The following LEMD3 variants were observed in gnomAD, a reference collection of about 807,000 sequenced individuals.
LEMD3 encodes LEM domain containing 3, also known as inner nuclear membrane protein Man1.
In LEMD3, 33 loss-of-function variants were observed where a neutral mutation model predicts 95.2. That is an observed-to-expected ratio of 0.35 (90% confidence interval 0.26 to 0.46). The LOEUF (loss-of-function observed/expected upper bound fraction) is 0.46. Ranked by LOEUF, LEMD3 falls within the 20% of genes least tolerant of loss-of-function variation. The pLI is 1.00. For missense variants in LEMD3, 1,210 were observed against 1,192.8 expected, an observed-to-expected ratio of 1.01 and a Z score of -0.21; for synonymous variants, 525 against 474.6, an observed-to-expected ratio of 1.11 and a Z score of -1.38.
At position 65,169,591 on chromosome 12, in the gene LEMD3, G is replaced by A. The variant is rs747864180; in HGVS notation, c.-6G>A. 7.9e-5 allele frequency: 125 copies of A among 1,588,718 alleles called. No homozygotes were observed. Among genetic ancestry groups the A allele is most frequent in the Non-Finnish European group, 1.0e-4 (118 of 1,169,350 alleles). ...CGCGGAGCTTGTAAAACACCCTGGA[G>A]AGAAAATGGCGGCGGCAGCAGCTTC... is the stretch of plus-strand genomic sequence containing the variant. On this transcript the variant is annotated 5_prime_UTR_variant, in exon 1 of 13. Coordinates refer to ENST00000308330, the MANE Select transcript of LEMD3 (RefSeq NM_014319.5).
intron 1 of LEMD3, 21 bp downstream of exon 1, chr12:65,171,139 G>A: frequency 6.2e-7 from 1 of 1,605,968 alleles, no homozygotes; most frequent in Middle Eastern, 1.7e-4. Context: ...AATCCTGTGG[G>A]TAAGGTAACA....
intron 1 of LEMD3, among the ~76,000 whole-genome samples, chr12:65,199,924 G>A (rs747518484): frequency 1.7e-4 from 26 of 151,930 alleles, no homozygotes; most frequent in Admixed American, 1.3e-3. Flanking sequence ...GGAGAATAGC[G>A]TCTGGAGGCA....
chr12:65,170,175 C>T lies in LEMD3; in HGVS notation c.579C>T (p.Pro193=). 1 of 1,495,584 alleles carries T rather than the reference C, an allele frequency of 6.7e-7. No individual in the cohort carries two copies. Among genetic ancestry groups the T allele is most frequent in the Non-Finnish European group, 8.9e-7 (1 of 1,126,380 alleles). 92.6% of individuals were successfully genotyped at this position (1,495,584 alleles called of 1,614,324 possible). Residue 193 remains proline (P), a synonymous_variant, in exon 1 of 13, where the codon CCC becomes CCT. Coordinates refer to ENST00000308330, the MANE Select transcript of LEMD3 (RefSeq NM_014319.5). ...GCAACTCTGCAGAGCGAAGGAAGCC[C>T]CACTCGTGGTGGGGGGCCAGGAGGC... ...TNSNSAERRK[P]HSWWGARRPA...
chr12:65,215,947 G>T (rs377173811), intron 2 of LEMD3, 30 bp from the exon 3 acceptor site: 4 of 926,294 alleles, frequency 4.3e-6, no homozygotes, highest in Non-Finnish European at 6.8e-6. Context: ...TTGTAATTGG[G>T]TATTTCATAA....
rs765045080 is a variant in LEMD3, at chr12:65,238,761, G to A, written c.1868G>A (p.Arg623His). ...STRPLMSFWC[R>H]FRRAFVTVTH... The stretch of plus-strand genomic sequence containing the variant: ...AGACCACTGATGTCTTTTTGGTGTC[G>A]TTTTCGACGTGCTTTTGTTACTGTA... The change falls in exon 6 of 13, where the codon CGT becomes CAT. Residue 623 changes from arginine (R) to histidine (H), a missense_variant. Coordinates refer to ENST00000308330, the MANE Select transcript of LEMD3 (RefSeq NM_014319.5). 5 of 1,614,002 alleles carry A rather than the reference G, an allele frequency of 3.1e-6. No individual in the cohort carries two copies. The highest frequency in any genetic ancestry group is 3.4e-6 in the Non-Finnish European group (4 of 1,179,950).
intron 1 of LEMD3, among the ~76,000 whole-genome samples, chr12:65,209,962 T>C (rs546325657): frequency 6.6e-6 from 1 of 152,174 alleles, no homozygotes; most frequent in African/African-American, 2.4e-5. Context: ...TATATAGATA[T>C]ATAGTCTATA....
At chr12:65,223,697 G>C (rs1273560495) in intron 4 of LEMD3, among the ~76,000 whole-genome samples, 1 of 151,680 alleles carries the variant, frequency 6.6e-6, no homozygotes, top group African/African-American at 2.4e-5. Flanking sequence ...AGTGTGCTTT[G>C]ATTTGGGAGT....
chr12:65,172,171 C>G (rs866114381), intron 1 of LEMD3, among the ~76,000 whole-genome samples: 18 of 152,180 alleles, frequency 1.2e-4, no homozygotes, highest in Middle Eastern at 3.4e-3. Flanking sequence ...CTGAACTTTC[C>G]TAATCTATAA....
At chr12:65,199,075 T>G (rs1037218203) in intron 1 of LEMD3, among the ~76,000 whole-genome samples, 1 of 152,180 alleles carries the variant, frequency 6.6e-6, no homozygotes, top group Non-Finnish European at 1.5e-5. Flanking sequence ...CATTATTAAC[T>G]TTATAGTTTA....
intron 1 of LEMD3, among the ~76,000 whole-genome samples, chr12:65,180,895 A>G (rs550626734): frequency 1.3e-4 from 20 of 152,256 alleles, no homozygotes; most frequent in African/African-American, 4.1e-4. Flanking sequence ...ACATGAATAG[A>G]AAAAACCCTT....
intron 2 of LEMD3, among the ~76,000 whole-genome samples, chr12:65,212,435 G>T (rs778500204): frequency 2.0e-4 from 31 of 151,900 alleles, no homozygotes; most frequent in Non-Finnish European, 4.1e-4. Context: ...TACTCGGGAG[G>T]CTGAGGCAGG....
chr12:65,222,112 A>T (rs1208056858), intron 4 of LEMD3, among the ~76,000 whole-genome samples: 1 of 152,124 alleles, frequency 6.6e-6, no homozygotes, highest in East Asian at 1.9e-4. Flanking sequence ...GGCCTTTAAT[A>T]TGTTGAGATA....
At chr12:65,175,074 A>G (rs1427339603) in intron 1 of LEMD3, among the ~76,000 whole-genome samples, 1 of 152,156 alleles carries the variant, frequency 6.6e-6, no homozygotes, top group Non-Finnish European at 1.5e-5. Context: ...AAGAATGGCC[A>G]GTGTTGCTGG....
intron 4 of LEMD3, among the ~76,000 whole-genome samples, chr12:65,225,904 C>T (rs994469387): frequency 1.3e-5 from 2 of 152,074 alleles, no homozygotes; most frequent in Non-Finnish European, 2.9e-5. Flanking sequence ...TCTTAGTGGC[C>T]CCCAGGCATC....
chr12:65,193,502 G>A (rs1869309303), intron 1 of LEMD3, among the ~76,000 whole-genome samples: 1 of 152,022 alleles, frequency 6.6e-6, no homozygotes, highest in Admixed American at 6.6e-5. Flanking sequence ...CCACTCACAT[G>A]TCCCTGGAAG....
At chr12:65,231,624 G>A (rs1870632006) in intron 4 of LEMD3, among the ~76,000 whole-genome samples, 1 of 151,908 alleles carries the variant, frequency 6.6e-6, no homozygotes. Context: ...TACCTTGATT[G>A]TACCACTACA....
At chr12:65,241,759 A>T (rs947465486) in intron 9 of LEMD3, among the ~76,000 whole-genome samples, 1 of 152,304 alleles carries the variant, frequency 6.6e-6, no homozygotes, top group South Asian at 2.1e-4. Flanking sequence ...TAAACATAGT[A>T]TTTGTGGAAA....
chr12:65,222,575 G>T (rs1425872760), intron 4 of LEMD3, among the ~76,000 whole-genome samples: 1 of 151,372 alleles, frequency 6.6e-6, no homozygotes, highest in Non-Finnish European at 1.5e-5. Context: ...TCTAGTTAAG[G>T]GTTTGTCAAT....
At chr12:65,232,678 G>T (rs1341600856) in intron 4 of LEMD3, among the ~76,000 whole-genome samples, 1 of 152,062 alleles carries the variant, frequency 6.6e-6, no homozygotes, top group African/African-American at 2.4e-5. Flanking sequence ...ATTTTAATTT[G>T]TGAAAAGTTA....
Sources: allele counts gnomAD v4.1 joint callset (sites outside exome capture counted in the v4.1 genomes callset), GRCh38; gene constraint gnomAD v4.1.1; transcripts MANE v1.5; gene names NCBI Gene and HGNC (gene_info 2026-07-23, HGNC 2026-07-21).